OR8B3: variants seen among roughly 807,000 people sequenced by gnomAD.
OR8B3 encodes the protein olfactory receptor 8B3.
For missense variants in OR8B3, 278 were observed against 377.6 expected (o/e 0.74, Z 2.19); for synonymous variants, 102 against 135.4 (o/e 0.75, Z 1.71).
Position 124,396,967 on chromosome 11 carries a change from G to A in OR8B3, c.385C>T (p.Pro129Ser). 6.2e-7 allele frequency: 1 copy of A among 1,613,332 alleles called. No homozygotes were observed. The highest frequency in any genetic ancestry group is 8.5e-7 in the Non-Finnish European group (1 of 1,179,634). ...AYDRYVAICN[P>S]LLYKVTMSHQ... ...GACATGGTGACCTTATACAGCAATG[G>A]ATTACAGATGGCCACATAGCGATCA... The change falls in exon 2 of 2, where the codon CCA becomes TCA. Residue 129 changes from proline (P) to serine (S), a missense_variant. Coordinates refer to ENST00000641139, the MANE Select transcript of OR8B3 (RefSeq NM_001005467.2).
chr11:124,403,610 G>T (rs1164305076), upstream of OR8B3, among the ~76,000 whole-genome samples: 1 of 151,758 alleles, frequency 6.6e-6, no homozygotes, highest in Non-Finnish European at 1.5e-5. Context: ...CCGGGAAGAG[G>T]CGCTCCTCAC....
In OR8B3 at chr11:124,398,900, T is replaced by C. The variant is rs1191677603; in HGVS notation, c.-228A>G. 1 of 151,404 alleles carries C rather than the reference T, an allele frequency of 6.6e-6. No individual in the cohort carries two copies. The highest frequency in any genetic ancestry group is 2.4e-5 in the African/African-American group (1 of 41,128). The allele number at this position is 151,404 out of a possible 1,614,324, so 9.4% of individuals were successfully genotyped here. ...GTGGTGTAGATCAAACTATTATTTA[T>C]AAATTTGCCAAGAGGGTTTGTTGGA... On this transcript the variant is annotated 5_prime_UTR_variant, in exon 1 of 2. Transcript: ENST00000641139.
chr11:124,405,985 T>C, the OR8B3 span, among the ~76,000 whole-genome samples: 2,446 of 152,320 alleles, frequency 0.016, 71 homozygotes, highest in African/African-American at 0.055. Flanking sequence ...CATTTTCCCC[T>C]GGAGTCTATG....
the OR8B3 span, chr11:124,404,267 T>C: frequency 6.6e-6 from 1 of 152,318 alleles, no homozygotes; most frequent in African/African-American, 2.4e-5. Context: ...TTTCAGAAGG[T>C]AGTAGTATCT....
chr11:124,403,119 C>T (rs1246920593), upstream of OR8B3, among the ~76,000 whole-genome samples: 1 of 152,202 alleles, frequency 6.6e-6, no homozygotes, highest in Non-Finnish European at 1.5e-5. Flanking sequence ...GGACACAGCA[C>T]ATGTTTCAGA....
At chr11:124,400,920 C>A (rs926619523), upstream of OR8B3, among the ~76,000 whole-genome samples, 4 of 151,956 alleles carry the variant, frequency 2.6e-5, no homozygotes, top group African/African-American at 9.7e-5. Context: ...TATATATATT[C>A]ATAGTTATTA....
At chr11:124,402,549 T>G (rs1861011369), upstream of OR8B3, among the ~76,000 whole-genome samples, 2 of 152,208 alleles carry the variant, frequency 1.3e-5, no homozygotes, top group Non-Finnish European at 2.9e-5. Flanking sequence ...GACTGCACGG[T>G]GCATGCCAAA....
upstream of OR8B3, among the ~76,000 whole-genome samples, chr11:124,399,881 T>C (rs1422456124): frequency 2.7e-5 from 3 of 111,168 alleles, no homozygotes; most frequent in Non-Finnish European, 5.6e-5. Context: ...GGATACAGAA[T>C]TCTCTTTTTT....
chr11:124,408,441 C>T, the OR8B3 span, among the ~76,000 whole-genome samples: 6 of 152,268 alleles, frequency 3.9e-5, no homozygotes, highest in South Asian at 8.3e-4. Flanking sequence ...AACATTCTCT[C>T]CTGTCCTATT....
At chr11:124,400,241 T>C (rs1330938407), upstream of OR8B3, among the ~76,000 whole-genome samples, 1 of 152,224 alleles carries the variant, frequency 6.6e-6, no homozygotes, top group Non-Finnish European at 1.5e-5. Flanking sequence ...ATTTATGGGA[T>C]ACAATGTGGT....
At chr11:124,403,170 C>G (rs1861024173), upstream of OR8B3, among the ~76,000 whole-genome samples, 1 of 152,198 alleles carries the variant, frequency 6.6e-6, no homozygotes, top group Non-Finnish European at 1.5e-5. Flanking sequence ...CAACAGCATC[C>G]CAAGGCAGAA....
upstream of OR8B3, among the ~76,000 whole-genome samples, chr11:124,403,931 C>T (rs1408672172): frequency 3.9e-5 from 6 of 152,178 alleles, no homozygotes; most frequent in East Asian, 1.9e-4. Context: ...GCCAACACAG[C>T]GAAACCCCGT....
the OR8B3 span, chr11:124,404,362 C>G: frequency 6.6e-6 from 1 of 152,110 alleles, no homozygotes; most frequent in East Asian, 1.9e-4. Flanking sequence ...TTCCTTGAAC[C>G]ATTTGAGAAG....
chr11:124,403,985 C>T (rs953592173), upstream of OR8B3, among the ~76,000 whole-genome samples: 25 of 152,168 alleles, frequency 1.6e-4, no homozygotes, highest in Admixed American at 1.6e-3. Context: ...TGGCGGCGCG[C>T]GCCTGCAATC....
Position 124,396,967 on chromosome 11 carries a change from G to T in OR8B3, c.385C>A (p.Pro129Thr). The T allele has an allele frequency of 6.2e-7, 1 of 1,613,332 alleles. No homozygotes were observed. The highest frequency in any genetic ancestry group is 1.1e-5 in the South Asian group (1 of 91,010). The change falls in exon 2 of 2, where the codon CCA (proline) becomes ACA (threonine). Residue 129 changes from proline to threonine, a missense_variant. Transcript: ENST00000641139. ...AYDRYVAICN[P>T]LLYKVTMSHQ... Reference sequence around the variant, plus strand: ...GACATGGTGACCTTATACAGCAATGGATTACAGATGGCCACATAGCGATCA... The same window carrying T: ...GACATGGTGACCTTATACAGCAATGTATTACAGATGGCCACATAGCGATCA...
chr11:124,406,094 C>T, the OR8B3 span, among the ~76,000 whole-genome samples: 1 of 152,174 alleles, frequency 6.6e-6, no homozygotes, highest in Admixed American at 6.5e-5. Context: ...TAGATTATAG[C>T]TTTGACACCA....
chr11:124,403,705 C>A (rs1459833656), upstream of OR8B3, among the ~76,000 whole-genome samples: 1 of 152,050 alleles, frequency 6.6e-6, no homozygotes, highest in African/African-American at 2.4e-5. Flanking sequence ...ACTTCCCAGA[C>A]GGGGTGGCGG....
At chr11:124,403,918 C>T (rs1193023707), upstream of OR8B3, among the ~76,000 whole-genome samples, 6 of 152,332 alleles carry the variant, frequency 3.9e-5, no homozygotes, top group Middle Eastern at 3.4e-3. Context: ...GGAGACCAGC[C>T]CGGCCAACAC....
chr11:124,406,013 A>G, the OR8B3 span, among the ~76,000 whole-genome samples: 1 of 152,228 alleles, frequency 6.6e-6, no homozygotes, highest in Non-Finnish European at 1.5e-5. Context: ...CTACAAAAGG[A>G]AAGTCCAGGG....
Sources: gnomAD v4.1 joint callset for allele counts (sites outside exome capture counted in the v4.1 genomes callset) on GRCh38, gnomAD v4.1.1 for gene constraint, MANE v1.5 for transcripts, NCBI Gene and HGNC (gene_info 2026-07-23, HGNC 2026-07-21) for gene names.